Variants in CERS6 observed in about 807,000 individuals in gnomAD.
CERS6 encodes LAG1 homolog, ceramide synthase 6.
In CERS6, 26 loss-of-function variants were observed where a neutral mutation model predicts 56.8. That is an observed-to-expected ratio of 0.46 (90% CI 0.34 to 0.63). The LOEUF (loss-of-function observed/expected upper bound fraction) is 0.63. Ranked by LOEUF, CERS6 falls within the 30% of genes least tolerant of loss-of-function variation. The probability of loss-of-function intolerance (pLI) is 0.01; values close to 1 mark genes in which losing one functional copy is unlikely to be tolerated. For synonymous variants in CERS6, 164 were observed against 173.3 expected (o/e 0.95, Z 0.42); for missense variants, 415 against 467.5 (o/e 0.89, Z 1.04).
chr2:168,541,910 T>C (rs964736258), intron 1 of CERS6, among the ~76,000 whole-genome samples: 40 of 152,194 alleles, frequency 2.6e-4, no homozygotes, highest in African/African-American at 9.6e-4. Flanking sequence ...CAGGCTTTTT[T>C]CCCTGGTTCC....
intron 4 of CERS6, among the ~76,000 whole-genome samples, chr2:168,649,359 T>TGGTCAAAATGTCAATTTTGA (rs1279872570): frequency 6.6e-6 from 1 of 152,162 alleles, no homozygotes; most frequent in Non-Finnish European, 1.5e-5. Flanking sequence ...AAATGGCCTC[T>TGGTCAAAATGTCAATTTTGA]CCTGGTAAAA....
chr2:168,613,349 C>T (rs756911663), intron 3 of CERS6, among the ~76,000 whole-genome samples: 10 of 152,010 alleles, frequency 6.6e-5, no homozygotes, highest in East Asian at 1.9e-4. Context: ...AGCAGGAGCA[C>T]GTGGTGTGAA....
At position 168,733,879 on chromosome 2, in the gene CERS6, G is replaced by T. The variant is rs964147727; in HGVS notation, c.845+15901G>T. On this transcript the variant is annotated intron_variant, in intron 8 of 9. Transcript: ENST00000305747. ...AGGAAAGTTTCTCAGGCCTTCTCTT[G>T]AACCCATTAGGGGGAAAAATCAGAT... Among the ~76,000 whole-genome samples, 53 of 99,368 alleles carry T rather than the reference G, an allele frequency of 5.3e-4. No individual in the cohort carries two copies. The South Asian group carries it at 0.011, about 21-fold the overall frequency. The allele number at this position is 99,368 out of a possible 152,430, so 65.2% of individuals were successfully genotyped here. A position where few individuals can be genotyped will look rare whatever the true frequency, so the allele number is the denominator to read the frequency against.
chr2:168,701,776 C>T (rs971528179), intron 6 of CERS6, among the ~76,000 whole-genome samples: 12 of 151,986 alleles, frequency 7.9e-5, no homozygotes, highest in Admixed American at 6.6e-5. Context: ...GAGTCTGAGG[C>T]GGGCAGATTG....
intron 1 of CERS6, among the ~76,000 whole-genome samples, chr2:168,517,895 T>A (rs1694912265): frequency 6.6e-6 from 1 of 152,216 alleles, no homozygotes; most frequent in Non-Finnish European, 1.5e-5. Flanking sequence ...TATATACAGA[T>A]GGCACATTCC....
intron 3 of CERS6, among the ~76,000 whole-genome samples, chr2:168,562,826 A>G (rs1401236137): frequency 6.6e-6 from 1 of 152,190 alleles, no homozygotes; most frequent in African/African-American, 2.4e-5. Flanking sequence ...ACTTACTGGC[A>G]GTTTATGGGA....
chr2:168,531,818 C>T (rs901805905), intron 1 of CERS6, among the ~76,000 whole-genome samples: 3 of 142,618 alleles, frequency 2.1e-5, no homozygotes, highest in Admixed American at 1.4e-4. Flanking sequence ...GAGACTCTGT[C>T]TCAAAAAAAA....
In CERS6 at chr2:168,585,103, A is replaced by C. The variant is rs952585147; in HGVS notation, c.407+23781A>C. On this transcript the variant is annotated intron_variant, in intron 3 of 9. Transcript: ENST00000305747. ...CAGTTGAAGTGGTACTGAGCATGCA[A>C]ATGGTTTGTGTTCCTTGACCCATGT... Among the ~76,000 whole-genome samples, 7 of 152,366 alleles carry C rather than the reference A, an allele frequency of 4.6e-5. No homozygotes were observed. In the East Asian group the frequency reaches 1.4e-3, roughly 29 times the overall value.
chr2:168,718,476 A>G (rs1221454153), intron 8 of CERS6, among the ~76,000 whole-genome samples: 1 of 152,180 alleles, frequency 6.6e-6, no homozygotes, highest in African/African-American at 2.4e-5. Flanking sequence ...TGTTTTAATA[A>G]GCCTTCCTGA....
chr2:168,539,126 C>T lies in CERS6; in HGVS notation c.171-8470C>T, dbSNP rs1290683765. Among the ~76,000 whole-genome samples, 2 of 10,032 alleles carry T rather than the reference C, an allele frequency of 2.0e-4. 1 individual carries two copies. Among genetic ancestry groups the T allele is most frequent in the African/African-American group, 2.2e-4 (2 of 9,270 alleles). The allele number at this position is 10,032 out of a possible 152,430, so 6.6% of individuals were successfully genotyped here. A position where few individuals can be genotyped will look rare whatever the true frequency, so the allele number is the denominator to read the frequency against. On this transcript the variant is annotated intron_variant, in intron 1 of 9. Transcript: ENST00000305747. ...GACTACAGGCGCCCGCCACTACGCCCGGCTAATTTTTTGTATTTTTAGTAG... is the reference window on the plus strand; with the variant it reads ...GACTACAGGCGCCCGCCACTACGCCTGGCTAATTTTTTGTATTTTTAGTAG...
chr2:168,556,339 T>C (rs1016434721), intron 2 of CERS6, among the ~76,000 whole-genome samples: 8 of 152,166 alleles, frequency 5.3e-5, no homozygotes, highest in African/African-American at 1.9e-4. Context: ...TAAAAATCTA[T>C]ATAATTCATT....
chr2:168,529,021 A>C (rs188360590), intron 1 of CERS6, among the ~76,000 whole-genome samples: 4 of 152,230 alleles, frequency 2.6e-5, no homozygotes, highest in African/African-American at 4.8e-5. Flanking sequence ...AAGTGATAAT[A>C]GGGTGAGGGG....
chr2:168,574,134 A>C (rs543711298), intron 3 of CERS6, among the ~76,000 whole-genome samples: 1 of 152,314 alleles, frequency 6.6e-6, no homozygotes, highest in East Asian at 1.9e-4. Context: ...AAATGTGTCC[A>C]ACTTGAACTA....
Position 168,653,134 on chromosome 2 carries a change from C to A in CERS6, c.465+22092C>A, listed in dbSNP as rs374420724. ...GCAAAGTTTCTGTTGTTGTTTTTAA[C>A]AGTATTGTCATGAGTATTAAAATCA... On this transcript the variant is annotated intron_variant, in intron 4 of 9. Transcript: ENST00000305747. Among the ~76,000 whole-genome samples the A allele has an allele frequency of 4.9e-4, 74 of 152,298 alleles. 2 individuals are homozygous for A. The South Asian group carries it at 0.015, about 32-fold the overall frequency.
At chr2:168,631,090 C>G in intron 4 of CERS6, 48 bp downstream of exon 4, 2 of 806,196 alleles carry the variant, frequency 2.5e-6, no homozygotes, top group South Asian at 3.9e-5. Flanking sequence ...AAGTGTATGT[C>G]TATATCCTGG....
chr2:168,551,312 CCT>C (rs1199888181), intron 2 of CERS6, among the ~76,000 whole-genome samples: 4 of 152,258 alleles, frequency 2.6e-5, no homozygotes, highest in Admixed American at 2.0e-4. Flanking sequence ...TCCCCCATCC[CCT>C]GTCTAAAATT....
At chr2:168,482,357 T>G (rs1286166023) in intron 1 of CERS6, among the ~76,000 whole-genome samples, 1 of 152,242 alleles carries the variant, frequency 6.6e-6, no homozygotes, top group Non-Finnish European at 1.5e-5. Context: ...AGTGAGTCTG[T>G]GCAGTTGTTG....
At chr2:168,499,693 C>A (rs1694544179) in intron 1 of CERS6, among the ~76,000 whole-genome samples, 1 of 152,164 alleles carries the variant, frequency 6.6e-6, no homozygotes, top group Admixed American at 6.5e-5. Flanking sequence ...TGATCTAAAA[C>A]CACTTGAGTT....
chr2:168,555,249 T>C (rs1695654114), intron 2 of CERS6, among the ~76,000 whole-genome samples: 1 of 152,006 alleles, frequency 6.6e-6, no homozygotes, highest in Non-Finnish European at 1.5e-5. Context: ...ACAAAACCTC[T>C]TCCTCCTGAA....
Sources: allele counts gnomAD v4.1 joint callset (sites outside exome capture counted in the v4.1 genomes callset), GRCh38; gene constraint gnomAD v4.1.1; transcripts MANE v1.5; gene names NCBI Gene and HGNC (gene_info 2026-07-23, HGNC 2026-07-21).